The following ZNF81 variants were observed in gnomAD, a reference collection of about 807,000 sequenced individuals.
ZNF81 encodes zinc finger protein 81 (HFZ20).
A neutral mutation model predicts 32.3 loss-of-function variants in ZNF81; 5 were observed. The observed-to-expected ratio is 0.15, with a 90% CI of 0.08 to 0.33. ZNF81 has a LOEUF of 0.33. ZNF81 is among the 10% of genes least tolerant of loss of function. The pLI, the probability that ZNF81 is intolerant of heterozygous loss-of-function variation, is 1.00. For synonymous variants in ZNF81, 163 were observed against 166.8 expected (o/e 0.98, Z 0.17); for missense variants, 379 against 479.8 (o/e 0.79, Z 1.96).
At chrX:47,913,460 T>C (rs1262783782) in intron 4 of ZNF81, among the ~76,000 whole-genome samples, 4 of 111,716 alleles carry the variant, frequency 3.6e-5, no homozygotes, top group African/African-American at 1.3e-4. Flanking sequence ...CCATGAGCTA[T>C]GATTGTACCA....
At chrX:47,870,001 C>T (rs902971974) in intron 2 of ZNF81, among the ~76,000 whole-genome samples, 1 of 111,596 alleles carries the variant, frequency 9.0e-6, no homozygotes, top group Admixed American at 9.6e-5. Flanking sequence ...GGCCCAACTG[C>T]ATTTTTCTTT....
At chrX:47,887,673 A>G (rs1433537542) in intron 2 of ZNF81, among the ~76,000 whole-genome samples, 1 of 111,681 alleles carries the variant, frequency 9.0e-6, no homozygotes, top group Non-Finnish European at 1.9e-5. Context: ...TGGAAGGGAT[A>G]TATGTGCTTC....
chrX:47,887,213 T>C (rs1171355004), intron 2 of ZNF81, among the ~76,000 whole-genome samples: 1 of 112,178 alleles, frequency 8.9e-6, no homozygotes, highest in Non-Finnish European at 1.9e-5. Context: ...ATACTGCCTG[T>C]ATTACTGTAG....
At chrX:47,862,523 CAAAA>C (rs5902400) in intron 2 of ZNF81, among the ~76,000 whole-genome samples, 2 of 76,632 alleles carry the variant, frequency 2.6e-5, no homozygotes, top group Non-Finnish European at 2.5e-5. Context: ...GACTCCGTCT[CAAAA>C]AAAAAAAAAA....
intron 2 of ZNF81, among the ~76,000 whole-genome samples, chrX:47,885,215 GGCT>G (rs1270940079): frequency 5.4e-5 from 6 of 111,386 alleles, no homozygotes; most frequent in Admixed American, 1.9e-4. Context: ...TGGCTTTTCT[GGCT>G]GCTTTTAAAA....
chrX:47,869,074 G>A (rs2058570922), intron 2 of ZNF81, among the ~76,000 whole-genome samples: 1 of 111,730 alleles, frequency 9.0e-6, no homozygotes, highest in South Asian at 3.7e-4. Context: ...CATAGTAAAG[G>A]TGAGAGAATA....
chrX:47,868,026 A>G (rs1398385880), intron 2 of ZNF81, among the ~76,000 whole-genome samples: 1 of 111,729 alleles, frequency 9.0e-6, no homozygotes, highest in East Asian at 2.8e-4. Flanking sequence ...TATCGAGTTT[A>G]TTATTATGAG....
intron 2 of ZNF81, among the ~76,000 whole-genome samples, chrX:47,856,933 G>A (rs1447029145): frequency 1.8e-5 from 2 of 111,128 alleles, no homozygotes; most frequent in Non-Finnish European, 3.8e-5. Context: ...GTGATACAGC[G>A]AGACTCCTTC....
chrX:47,861,107 G>A (rs1348078284), intron 2 of ZNF81: 2 of 111,860 alleles, frequency 1.8e-5, no homozygotes, highest in African/African-American at 3.3e-5. Flanking sequence ...AGGAGTTTGT[G>A]GGAATCCCCA....
intron 2 of ZNF81, among the ~76,000 whole-genome samples, chrX:47,849,684 A>AG (rs1603168650): frequency 1.8e-5 from 2 of 110,950 alleles, no homozygotes; most frequent in East Asian, 2.8e-4. Context: ...AAAAAAAAAA[A>AG]AAGAAGAAGA....
At chrX:47,879,998 T>C (rs2058614285) in intron 2 of ZNF81, among the ~76,000 whole-genome samples, 1 of 112,575 alleles carries the variant, frequency 8.9e-6, no homozygotes, top group African/African-American at 3.2e-5. Flanking sequence ...TGTATCTTTA[T>C]ATTAATATGA....
At chrX:47,864,975 C>G (rs2058554656) in intron 2 of ZNF81, among the ~76,000 whole-genome samples, 2 of 112,136 alleles carry the variant, frequency 1.8e-5, no homozygotes, top group Non-Finnish European at 3.8e-5. Context: ...CTGAGCAGAG[C>G]ACCCACATCC....
chrX:47,905,783 T>C (rs1556889107), intron 4 of ZNF81, among the ~76,000 whole-genome samples: 1 of 112,642 alleles, frequency 8.9e-6, no homozygotes, highest in Non-Finnish European at 1.9e-5. Context: ...TTATCTCCTA[T>C]GAGGAGAATT....
intron 2 of ZNF81, among the ~76,000 whole-genome samples, chrX:47,858,984 G>A (rs1448314700): frequency 2.7e-5 from 3 of 109,715 alleles, no homozygotes; most frequent in African/African-American, 6.6e-5. Flanking sequence ...CAGCTACTTG[G>A]GAGGCTGAGG....
At chrX:47,885,812 A>G (rs2058639507) in intron 2 of ZNF81, among the ~76,000 whole-genome samples, 1 of 112,185 alleles carries the variant, frequency 8.9e-6, no homozygotes, top group Admixed American at 9.4e-5. Context: ...TTGGGATTAA[A>G]TTTCAACATG....
Position 47,919,532 on chromosome X carries a change from C to T in ZNF81, c.*2900C>T, listed in dbSNP as rs1603212780. 7.7e-6 allele frequency: 1 copy of T among 129,787 alleles called. No individual in the cohort carries two copies. The highest frequency in any genetic ancestry group is 2.4e-4 in the East Asian group (1 of 4,227). The allele number at this position is 129,787 out of a possible 1,213,427, so 10.7% of individuals were successfully genotyped here. On this transcript the variant is annotated 3_prime_UTR_variant, in exon 5 of 5. Transcript: ENST00000338637. ...AGCTGCTATAATAAAGCACCATAGACTTGGTGGCTTATAAACAACAGAAAT... is the reference window on the plus strand; with the variant it reads ...AGCTGCTATAATAAAGCACCATAGATTTGGTGGCTTATAAACAACAGAAAT...
chrX:47,888,226 A>C, intron 3 of ZNF81, 101 bp downstream of exon 3: 1 of 1,060,312 alleles, frequency 9.4e-7, no homozygotes, highest in Non-Finnish European at 1.3e-6. Context: ...GCCCCCCAGA[A>C]TGTGACCTTA....
At position 47,887,288 on chromosome X, in the gene ZNF81, T is replaced by C. The variant is rs147180169; in HGVS notation, c.55-711T>C. Among the ~76,000 whole-genome samples the C allele has an allele frequency of 6.2e-3, 693 of 111,934 alleles. 6 individuals are homozygous for C. The highest frequency in any genetic ancestry group is 0.021 in the African/African-American group (661 of 30,799). ...CATACTTTTTCTTGCTTTTGGCTAT[T>C]CTGGGTCCTTCGCATAGCCATATAA... On this transcript the variant is annotated intron_variant, in intron 2 of 4. Coordinates refer to ENST00000338637, the MANE Select transcript of ZNF81 (RefSeq NM_007137.5).
chrX:47,856,667 G>A (rs1556881927), intron 2 of ZNF81, among the ~76,000 whole-genome samples: 3 of 111,658 alleles, frequency 2.7e-5, no homozygotes, highest in Admixed American at 1.9e-4. Flanking sequence ...AGACCCAGCC[G>A]GGCGCGGTGG....
Sources: allele counts gnomAD v4.1 joint callset (sites outside exome capture counted in the v4.1 genomes callset), GRCh38; gene constraint gnomAD v4.1.1; transcripts MANE v1.5; gene names NCBI Gene and HGNC (gene_info 2026-07-23, HGNC 2026-07-21).